Variants in ESR1 observed in about 807,000 individuals in gnomAD.
ESR1 encodes estrogen receptor 1.
A neutral mutation model predicts 52.7 loss-of-function variants in ESR1; 12 were observed. The observed-to-expected ratio is 0.23, with a 90% confidence interval of 0.15 to 0.37. The LOEUF is 0.37. Ranked by LOEUF, ESR1 falls within the 10% of genes least tolerant of loss-of-function variation. The pLI is 1.00. For synonymous variants in ESR1, 305 were observed against 316.8 expected, an observed-to-expected ratio of 0.96 and a Z score of 0.39; for missense variants, 584 against 779.7, an observed-to-expected ratio of 0.75 and a Z score of 2.99.
intron 2 of ESR1, among the ~76,000 whole-genome samples, chr6:151,781,039 A>C (rs989611951): frequency 8.5e-5 from 13 of 152,228 alleles, no homozygotes; most frequent in Admixed American, 4.6e-4. Flanking sequence ...CAAACTATAC[A>C]TTTCTTCTAA....
At chr6:151,899,802 G>A (rs1168172822) in intron 3 of ESR1, among the ~76,000 whole-genome samples, 6 of 151,500 alleles carry the variant, frequency 4.0e-5, no homozygotes, top group African/African-American at 9.7e-5. Flanking sequence ...GACGATGGGC[G>A]GCAGGGCAGA....
chr6:151,955,734 T>G (rs1199175628), intron 4 of ESR1, among the ~76,000 whole-genome samples: 1 of 152,082 alleles, frequency 6.6e-6, no homozygotes, highest in Non-Finnish European at 1.5e-5. Flanking sequence ...AAAAGTAACT[T>G]TTATTTTAGG....
chr6:151,716,908 G>T lies in ESR1; in HGVS notation c.-71+14903G>T, dbSNP rs542374890. Among the ~76,000 whole-genome samples the T allele has an allele frequency of 4.6e-5, 7 of 152,306 alleles. No homozygotes were observed. In the South Asian group the frequency reaches 1.4e-3, roughly 32 times the overall value. The stretch of plus-strand genomic sequence containing the variant: ...AACAAAAACTCCTGTAGCTAGTTCG[G>T]TGTCTGACCAAATGGCTGCCCAGTT... On this transcript the variant is annotated intron_variant, in intron 2 of 2. Coordinates refer to the ESR1 transcript ENST00000404742.
chr6:151,819,031 G>A (rs1178240259), intron 1 of ESR1, among the ~76,000 whole-genome samples: 2 of 152,148 alleles, frequency 1.3e-5, no homozygotes, highest in Non-Finnish European at 2.9e-5. Context: ...AAAGAGCCAT[G>A]TTTAAATGGC....
intron 4 of ESR1, among the ~76,000 whole-genome samples, chr6:151,995,619 AC>A (rs1400741520): frequency 2.0e-5 from 3 of 152,284 alleles, no homozygotes; most frequent in Admixed American, 2.0e-4. Context: ...TTCTAGTTAG[AC>A]TTTTTTGAAG....
chr6:152,084,495 G>C (rs565476195), intron 6 of ESR1, among the ~76,000 whole-genome samples: 1 of 152,042 alleles, frequency 6.6e-6, no homozygotes, highest in East Asian at 1.9e-4. Flanking sequence ...AGGCCTCTCA[G>C]CCATGTGGAA....
intron 1 of ESR1, among the ~76,000 whole-genome samples, chr6:151,660,422 A>G (rs1777599296): frequency 6.6e-6 from 1 of 152,216 alleles, no homozygotes; most frequent in Non-Finnish European, 1.5e-5. Flanking sequence ...ACTCTTGTCA[A>G]ACTATTGGCC....
intron 2 of ESR1, among the ~76,000 whole-genome samples, chr6:151,713,531 G>A (rs1780786053): frequency 6.6e-6 from 1 of 152,090 alleles, no homozygotes; most frequent in Admixed American, 6.5e-5. Context: ...TTATTGGTCT[G>A]TTCAGGGATT....
In ESR1 at chr6:152,100,424, T is replaced by G; in HGVS notation, c.*1458T>G. ...TCCTCCCCCTTCCTCCCCCGCCCCG[T>G]TCCCTACCGCCTCCACTCCTGCCAG... On this transcript the variant is annotated 3_prime_UTR_variant, in exon 8 of 8. Coordinates refer to ENST00000206249, the MANE Select transcript of ESR1 (RefSeq NM_000125.4). The G allele has an allele frequency of 3.9e-6, 1 of 256,786 alleles. No homozygotes were observed. Among genetic ancestry groups the G allele is most frequent in the East Asian group, 5.9e-5 (1 of 16,996 alleles). 15.9% of individuals were successfully genotyped at this position (256,786 alleles called of 1,614,324 possible). A position where few individuals can be genotyped will look rare whatever the true frequency, so the allele number is the denominator to read the frequency against.
At chr6:151,699,066 A>T (rs564808595) in intron 1 of ESR1, among the ~76,000 whole-genome samples, 10 of 152,310 alleles carry the variant, frequency 6.6e-5, no homozygotes, top group South Asian at 4.1e-4. Context: ...AATGTAGTGG[A>T]GTATTAATCA....
At chr6:151,992,391 A>G (rs2041111097) in intron 4 of ESR1, among the ~76,000 whole-genome samples, 1 of 152,158 alleles carries the variant, frequency 6.6e-6, no homozygotes, top group South Asian at 2.1e-4. Flanking sequence ...ACTCATATAG[A>G]TGGAATCATC....
At chr6:151,695,077 C>G (rs548789223) in intron 1 of ESR1, among the ~76,000 whole-genome samples, 9 of 152,252 alleles carry the variant, frequency 5.9e-5, no homozygotes, top group South Asian at 2.1e-4. Context: ...TCTGGCGGCA[C>G]CCCTCCAGTA....
chr6:151,765,256 C>T (rs1784959048), intron 2 of ESR1, among the ~76,000 whole-genome samples: 1 of 151,870 alleles, frequency 6.6e-6, no homozygotes, highest in Non-Finnish European at 1.5e-5. Context: ...AGATAGATAT[C>T]GTAAAATTTA....
At chr6:151,693,596 T>G (rs1380193611) in intron 1 of ESR1, among the ~76,000 whole-genome samples, 1 of 152,198 alleles carries the variant, frequency 6.6e-6, no homozygotes, top group Non-Finnish European at 1.5e-5. Context: ...GGCAATGTCT[T>G]AGTCCATACA....
At chr6:152,036,186 CT>C (rs2045286862) in intron 5 of ESR1, among the ~76,000 whole-genome samples, 2 of 152,112 alleles carry the variant, frequency 1.3e-5, no homozygotes, top group South Asian at 4.1e-4. Flanking sequence ...ATGGCAAAAC[CT>C]CGTCTCTACT....
chr6:151,856,432 A>C (rs1787848675), intron 2 of ESR1, among the ~76,000 whole-genome samples: 1 of 152,134 alleles, frequency 6.6e-6, no homozygotes, highest in Non-Finnish European at 1.5e-5. Context: ...ATGGCTAGAG[A>C]CTTTTGCTTC....
chr6:151,708,994 G>A (rs1477039639), intron 2 of ESR1, among the ~76,000 whole-genome samples: 1 of 152,092 alleles, frequency 6.6e-6, no homozygotes, highest in Non-Finnish European at 1.5e-5. Flanking sequence ...AAACCTCTCA[G>A]CATTTTTCAA....
chr6:152,016,038 C>T (rs112907264), intron 5 of ESR1, among the ~76,000 whole-genome samples: 49 of 152,214 alleles, frequency 3.2e-4, no homozygotes, highest in African/African-American at 1.1e-3. Flanking sequence ...ATAATTGAAT[C>T]ATGTGGGTTG....
chr6:151,853,379 G>C (rs1787242455), intron 2 of ESR1, among the ~76,000 whole-genome samples: 2 of 152,050 alleles, frequency 1.3e-5, no homozygotes, highest in Admixed American at 6.6e-5. Context: ...CCAGTGTTAA[G>C]TGCTTGTTAG....
Sources: gnomAD v4.1 joint callset for allele counts (sites outside exome capture counted in the v4.1 genomes callset) on GRCh38, gnomAD v4.1.1 for gene constraint, MANE v1.5 for transcripts, NCBI Gene and HGNC (gene_info 2026-07-23, HGNC 2026-07-21) for gene names.